NMNAT3: variants seen among roughly 807,000 people sequenced by gnomAD.
The protein encoded by NMNAT3 is nicotinamide/nicotinic acid mononucleotide adenylyltransferase 3.
A neutral mutation model predicts 24.8 loss-of-function variants in NMNAT3; 21 were observed. The observed-to-expected ratio is 0.85, with a 90% CI of 0.60 to 1.22. The LOEUF (loss-of-function observed/expected upper bound fraction) is 1.22, where lower values mean the gene tolerates loss of function less well. Ranked by LOEUF, NMNAT3 falls within the 50% of genes most tolerant of loss-of-function variation. NMNAT3 has a pLI of 0.00. For synonymous variants in NMNAT3, 136 were observed against 155.2 expected (o/e 0.88, Z 0.92); for missense variants, 387 against 436.6 (o/e 0.89, Z 1.01).
intron 4 of NMNAT3, among the ~76,000 whole-genome samples, chr3:139,582,152 G>A (rs1172578346): frequency 2.4e-5 from 3 of 122,718 alleles, no homozygotes; most frequent in East Asian, 2.6e-4. Flanking sequence ...CCGAGATTAC[G>A]CCACTGTGAG....
chr3:139,613,391 T>C (rs1238440159), intron 3 of NMNAT3, among the ~76,000 whole-genome samples: 6 of 152,146 alleles, frequency 3.9e-5, no homozygotes, highest in Non-Finnish European at 7.4e-5. Context: ...AAAATGCTCA[T>C]CATCACTGGC....
intron 4 of NMNAT3, among the ~76,000 whole-genome samples, chr3:139,581,782 T>G (rs1333594711): frequency 1.3e-5 from 2 of 152,162 alleles, no homozygotes. Flanking sequence ...TTGGATATGT[T>G]CATTTTCTAA....
chr3:139,582,218 A>G (rs2053665369), intron 4 of NMNAT3, among the ~76,000 whole-genome samples: 1 of 151,596 alleles, frequency 6.6e-6, no homozygotes, highest in Non-Finnish European at 1.5e-5. Context: ...AAAAAAAGAA[A>G]AAAAAACCAC....
At chr3:139,661,591 T>C (rs898177120) in intron 1 of NMNAT3, among the ~76,000 whole-genome samples, 1 of 152,050 alleles carries the variant, frequency 6.6e-6, no homozygotes, top group Non-Finnish European at 1.5e-5. Flanking sequence ...GATTGGTTGA[T>C]CCCAGGAGTT....
chr3:139,656,471 C>T (rs1285068127), intron 1 of NMNAT3, among the ~76,000 whole-genome samples: 3 of 152,076 alleles, frequency 2.0e-5, no homozygotes, highest in East Asian at 3.9e-4. Flanking sequence ...TCTGCTCTCA[C>T]GGAACTCATT....
At chr3:139,664,379 C>T (rs544240749) in intron 1 of NMNAT3, among the ~76,000 whole-genome samples, 3 of 152,124 alleles carry the variant, frequency 2.0e-5, no homozygotes, top group Non-Finnish European at 2.9e-5. Context: ...ATCAAGATGG[C>T]TAGAAAACTT....
chr3:139,623,862 C>A (rs962769706), intron 3 of NMNAT3, among the ~76,000 whole-genome samples: 1 of 152,158 alleles, frequency 6.6e-6, no homozygotes, highest in Admixed American at 6.5e-5. Context: ...CAGGTGTGAA[C>A]CACCATGCCC....
At chr3:139,674,320 A>G (rs943619349) in intron 1 of NMNAT3, among the ~76,000 whole-genome samples, 3 of 152,220 alleles carry the variant, frequency 2.0e-5, no homozygotes, top group Non-Finnish European at 4.4e-5. Flanking sequence ...ACAATGATGA[A>G]GGAATCATGA....
intron 1 of NMNAT3, among the ~76,000 whole-genome samples, chr3:139,648,308 A>C (rs1186101191): frequency 2.6e-5 from 4 of 152,136 alleles, no homozygotes; most frequent in Admixed American, 2.6e-4. Flanking sequence ...AGCCATGTGG[A>C]GCTGTGAGTC....
intron 6 of NMNAT3, among the ~76,000 whole-genome samples, chr3:139,565,082 C>T (rs1021328586): frequency 1.3e-5 from 2 of 152,064 alleles, no homozygotes; most frequent in East Asian, 3.9e-4. Flanking sequence ...ATAAGTGTTT[C>T]TCCACATCAT....
chr3:139,587,345 T>G (rs115342531), intron 3 of NMNAT3, among the ~76,000 whole-genome samples: 4,347 of 152,216 alleles, frequency 0.029, 222 homozygotes, highest in African/African-American at 0.097. Context: ...GACAGTACCA[T>G]GGGGAGCCAA....
At chr3:139,622,758 A>G (rs1326932942) in intron 3 of NMNAT3, among the ~76,000 whole-genome samples, 1 of 142,564 alleles carries the variant, frequency 7.0e-6, no homozygotes, top group African/African-American at 2.6e-5. Context: ...GTGTGTATAT[A>G]TATCATATAT....
chr3:139,674,603 GT>G (rs913549823), intron 1 of NMNAT3, among the ~76,000 whole-genome samples: 7 of 152,318 alleles, frequency 4.6e-5, no homozygotes, highest in South Asian at 4.2e-4. Flanking sequence ...AATTTTGCAG[GT>G]TTTTTTCTTT....
At chr3:139,582,223 A>T (rs1388483470) in intron 4 of NMNAT3, among the ~76,000 whole-genome samples, 1 of 151,634 alleles carries the variant, frequency 6.6e-6, no homozygotes, top group Non-Finnish European at 1.5e-5. Flanking sequence ...AAGAAAAAAA[A>T]ACCACATGTA....
At chr3:139,621,219 A>G (rs1057447293) in intron 3 of NMNAT3, among the ~76,000 whole-genome samples, 15 of 152,170 alleles carry the variant, frequency 9.9e-5, no homozygotes, top group African/African-American at 3.6e-4. Context: ...AATTTTAGTC[A>G]TTCTAATAGG....
intron 3 of NMNAT3, among the ~76,000 whole-genome samples, chr3:139,592,992 A>G (rs1336690942): frequency 1.3e-5 from 2 of 152,138 alleles, no homozygotes; most frequent in African/African-American, 4.8e-5. Flanking sequence ...ATGTAAATGG[A>G]CTAAATGCTC....
intron 3 of NMNAT3, among the ~76,000 whole-genome samples, chr3:139,617,303 C>A (rs1158001806): frequency 6.6e-6 from 1 of 152,176 alleles, no homozygotes; most frequent in Non-Finnish European, 1.5e-5. Flanking sequence ...GAGTACAACA[C>A]CCAACACAGG....
rs950349462 is a variant in NMNAT3, at chr3:139,627,616, C to T, written c.109G>A (p.Glu37Lys). The T allele has an allele frequency of 1.9e-6, 3 of 1,572,358 alleles. No individual in the cohort carries two copies. The African/African-American group carries it at 4.0e-5, about 21-fold the overall frequency. ...TTGGACTCAGGGCCCCCTGACTGAC[C>T]TGTTTGGTGTAGGTGATCTCTGGCC... The change falls in exon 3 of 7, where the codon GAA becomes AAA. Residue 37 changes from glutamate (E) to lysine (K), a missense_variant and splice_region_variant. Around this residue, in one of 3 missense-constraint regions of NMNAT3, gnomAD observed 51 missense variants for 55.6 expected, o/e 0.92. Transcript: ENST00000643695.
At chr3:139,578,765 G>A in intron 5 of NMNAT3, 107 bp downstream of exon 5, 1 of 938,552 alleles carries the variant, frequency 1.1e-6, no homozygotes, top group Non-Finnish European at 1.5e-6. Flanking sequence ...TGCTGAGAAG[G>A]TCTGGCAGAA....
Sources: gnomAD v4.1 joint callset for allele counts (sites outside exome capture counted in the v4.1 genomes callset) on GRCh38, gnomAD v4.1.1 for gene constraint, gnomAD v4.1.1 regional missense constraint, MANE v1.5 for transcripts, NCBI Gene and HGNC (gene_info 2026-07-23, HGNC 2026-07-21) for gene names.